The following PSMF1 variants were observed in gnomAD, a reference collection of about 807,000 sequenced individuals.
PSMF1 encodes the protein proteasome inhibitor subunit 1.
In PSMF1, 30 loss-of-function variants were observed where a neutral mutation model predicts 29.3. The observed-to-expected ratio is 1.02, with a 90% CI of 0.77 to 1.39. The LOEUF (loss-of-function observed/expected upper bound fraction) is 1.39. Among genes scored for constraint, PSMF1 ranks in the 40% most tolerant of loss-of-function variants. PSMF1 has a pLI of 0.00. For synonymous variants in PSMF1, 134 were observed against 139.7 expected (o/e 0.96, Z 0.29); for missense variants, 344 against 357.5 (o/e 0.96, Z 0.31).
At chr20:1,135,339 C>T (rs375642484) in intron 4 of PSMF1, 33 bp downstream of exon 4, 1 of 1,573,614 alleles carries the variant, frequency 6.4e-7, no homozygotes, top group East Asian at 2.2e-5. Context: ...GAAGCCCATG[C>T]TTCTGTAGAG....
intron 4 of PSMF1, among the ~76,000 whole-genome samples, chr20:1,142,112 C>T (rs2086388361): frequency 6.6e-6 from 1 of 152,130 alleles, no homozygotes; most frequent in Admixed American, 6.6e-5. Context: ...ATCCCAGCTA[C>T]TCGGGAGGCT....
At chr20:1,127,348 CTT>C (rs1179633711) in intron 2 of PSMF1, 76 bp from the exon 3 acceptor site, 3 of 1,089,620 alleles carry the variant, frequency 2.8e-6, no homozygotes, top group African/African-American at 3.1e-5. Flanking sequence ...AGGTTGAAGA[CTT>C]TGTTACTCTC....
At chr20:1,132,035 A>G (rs1440387544) in intron 3 of PSMF1, among the ~76,000 whole-genome samples, 2 of 152,146 alleles carry the variant, frequency 1.3e-5, no homozygotes, top group Non-Finnish European at 2.9e-5. Flanking sequence ...TCATTGAATT[A>G]CTTTTGAAAC....
At position 1,164,778 on chromosome 20, in the gene PSMF1, G is replaced by T. The variant is rs1158671677; in HGVS notation, c.765-251G>T. On this transcript the variant is annotated intron_variant, in intron 6 of 6. Transcript: ENST00000335877. The surrounding 1 kb of genome is among the most constrained non-coding windows in gnomAD (Gnocchi z 4.1). ...AACTCAGTGGATCCTTTCTTCAGCAGTCTTGGGTAGATGGTGGCGTCTACA... is the reference window on the plus strand; with the variant it reads ...AACTCAGTGGATCCTTTCTTCAGCATTCTTGGGTAGATGGTGGCGTCTACA... 6.6e-6 allele frequency among the ~76,000 whole-genome samples: 1 copy of T among 152,208 alleles called. No individual in the cohort carries two copies. The highest frequency in any genetic ancestry group is 2.4e-5 in the African/African-American group (1 of 41,440).
intron 1 of PSMF1, among the ~76,000 whole-genome samples, chr20:1,119,395 G>T (rs1040064635): frequency 2.6e-5 from 4 of 152,070 alleles, no homozygotes; most frequent in South Asian, 2.1e-4. Flanking sequence ...TCAGCCCCAG[G>T]CCAGGGCCCT....
At chr20:1,161,167 G>T in intron 4 of PSMF1, 1 of 341,522 alleles carries the variant, frequency 2.9e-6, no homozygotes. Context: ...TACGACTACA[G>T]CTTCCCTACC....
At chr20:1,119,187 A>C (rs771970238) in intron 1 of PSMF1, among the ~76,000 whole-genome samples, 4 of 150,762 alleles carry the variant, frequency 2.7e-5, no homozygotes, top group Non-Finnish European at 4.4e-5. Context: ...GTGTGGATCT[A>C]GCATTCCATA....
chr20:1,164,382 C>A lies in PSMF1; in HGVS notation c.670C>A (p.Pro224Thr). The A allele has an allele frequency of 6.2e-7, 1 of 1,614,000 alleles. No homozygotes were observed. The highest frequency in any genetic ancestry group is 8.5e-7 in the Non-Finnish European group (1 of 1,179,908). ...TGGCTTCCCAAGAGCACTTATTGAC[C>A]CTTCCTCAGGCCTCCCGAACCGACT... ...RSGFPRALIDPSSGLPNRLPP... is the reference protein window; with the variant it reads ...RSGFPRALIDTSSGLPNRLPP... The change falls in exon 6 of 7, where the codon CCT becomes ACT. Residue 224 changes from proline to threonine, a missense_variant. Pro to Thr is a conservative substitution (Grantham distance 38). Coordinates refer to ENST00000335877, the MANE Select transcript of PSMF1 (RefSeq NM_006814.5). This position sits in a 1 kb window ranked among gnomAD's most constrained non-coding sequence, Gnocchi z 4.1.
chr20:1,169,016 A>G lies in PSMF1; in HGVS notation c.*3936A>G, dbSNP rs1856022270. On this transcript the variant is annotated 3_prime_UTR_variant, in exon 7 of 7. Transcript: ENST00000335877. The stretch of plus-strand genomic sequence containing the variant: ...CCTTGGGATACCACAAGGCACAGAT[A>G]CAGGCAGCTGCTGTGTGGCTCTGGA... 6.6e-6 allele frequency among the ~76,000 whole-genome samples: 1 copy of G among 152,196 alleles called. No homozygotes were observed. The highest frequency in any genetic ancestry group is 1.5e-5 in the Non-Finnish European group (1 of 68,026).
rs372197235 is a variant in PSMF1, at chr20:1,162,287, T to C, written c.552-843T>C. Among the ~76,000 whole-genome samples, 6 of 152,342 alleles carry C rather than the reference T, an allele frequency of 3.9e-5. No homozygotes were observed. In the East Asian group the frequency reaches 9.6e-4, roughly 24 times the overall value. On this transcript the variant is annotated intron_variant, in intron 4 of 6. Coordinates refer to ENST00000335877, the MANE Select transcript of PSMF1 (RefSeq NM_006814.5). ...TCATTTATGTAAGGTTTTTTTGGTA[T>C]GCAATTCTTGAGTCTTTAAGAGATG...
Position 1,125,529 on chromosome 20 carries a change from T to C in PSMF1, c.161T>C (p.Leu54Pro). 3.7e-6 allele frequency: 6 copies of C among 1,613,016 alleles called. No homozygotes were observed. The highest frequency in any genetic ancestry group is 5.1e-6 in the Non-Finnish European group (6 of 1,179,444). ...CCCAATGATAAGAAGTCAGAACTGC[T>C]GCCAGCTGGGTGGAACAACAATAAA... ...PGPNDKKSEL[L>P]PAGWNNNKDL... Residue 54 changes from leucine (L) to proline (P), a missense_variant, in exon 2 of 7, where the codon CTG becomes CCG. Coordinates refer to ENST00000335877, the MANE Select transcript of PSMF1 (RefSeq NM_006814.5).
intron 4 of PSMF1, among the ~76,000 whole-genome samples, chr20:1,156,514 A>G (rs1041956818): frequency 2.0e-5 from 3 of 152,234 alleles, no homozygotes; most frequent in Admixed American, 2.0e-4. Flanking sequence ...GCAGTTGGAA[A>G]AAAACAACTC....
At chr20:1,147,637 C>A (rs2086470815) in intron 4 of PSMF1, among the ~76,000 whole-genome samples, 1 of 152,140 alleles carries the variant, frequency 6.6e-6, no homozygotes, top group South Asian at 2.1e-4. Flanking sequence ...TTTTTCTTAG[C>A]CTCTAGCAAA....
chr20:1,149,458 C>A (rs988338331), intron 4 of PSMF1, among the ~76,000 whole-genome samples: 3 of 152,186 alleles, frequency 2.0e-5, no homozygotes, highest in African/African-American at 7.2e-5. Context: ...GTTGACACAT[C>A]TTATTATACA....
rs1436184633 is a variant in PSMF1, at chr20:1,169,462, C to T, written c.*4382C>T. On this transcript the variant is annotated 3_prime_UTR_variant, in exon 7 of 7. Transcript: ENST00000335877. The stretch of plus-strand genomic sequence containing the variant: ...GATGCCCATTTGAACAGCTGCGTTC[C>T]AGATGAGCCACCTAAGGTGGATGTT... Among the ~76,000 whole-genome samples, 1 of 152,174 alleles carries T rather than the reference C, an allele frequency of 6.6e-6. No homozygotes were observed. Among genetic ancestry groups the T allele is most frequent in the African/African-American group, 2.4e-5 (1 of 41,444 alleles).
upstream of PSMF1, among the ~76,000 whole-genome samples, chr20:1,114,048 A>G (rs1346795895): frequency 6.6e-6 from 1 of 152,178 alleles, no homozygotes; most frequent in Non-Finnish European, 1.5e-5. Context: ...GGGAGGACAG[A>G]GCAGATCGCA....
intron 4 of PSMF1, among the ~76,000 whole-genome samples, chr20:1,146,171 A>G (rs1299581950): frequency 6.6e-6 from 1 of 152,118 alleles, no homozygotes; most frequent in Non-Finnish European, 1.5e-5. Context: ...GAGATACTTC[A>G]TGAGTATCCT....
chr20:1,132,565 G>A (rs1468670269), intron 3 of PSMF1, among the ~76,000 whole-genome samples: 8 of 151,944 alleles, frequency 5.3e-5, no homozygotes, highest in Non-Finnish European at 8.8e-5. Flanking sequence ...GTGAGCCACC[G>A]CACCTGGCCT....
intron 1 of PSMF1, among the ~76,000 whole-genome samples, chr20:1,121,162 T>A (rs2086082359): frequency 6.6e-6 from 1 of 152,024 alleles, no homozygotes; most frequent in Non-Finnish European, 1.5e-5. Context: ...CTTGACCAAT[T>A]CCCCAAGGTC....
Sources: gnomAD v4.1 joint callset for allele counts (sites outside exome capture counted in the v4.1 genomes callset) on GRCh38, gnomAD v4.1.1 for gene constraint, Gnocchi (gnomAD v3.1) non-coding constraint, MANE v1.5 for transcripts, NCBI Gene and HGNC (gene_info 2026-07-23, HGNC 2026-07-21) for gene names.